The following PCDHGA4 variants were observed in gnomAD, a reference collection of about 807,000 sequenced individuals.
PCDHGA4 encodes the protein protocadherin gamma-A4.
PCDHGA4 carries 38 observed loss-of-function variants against 54.6 expected under a neutral mutation model. The ratio of observed to expected loss-of-function variants is 0.70; its 90% confidence interval spans 0.54 to 0.91. The LOEUF (loss-of-function observed/expected upper bound fraction) is 0.91. PCDHGA4 is among the 40% of genes least tolerant of loss of function. PCDHGA4 has a pLI of 0.00. For missense variants in PCDHGA4, 1,298 were observed against 1,220.9 expected (o/e 1.06, Z -0.94); for synonymous variants, 511 against 512.9 (o/e 1.00, Z 0.05).
chr5:141,489,610 C>G lies in PCDHGA4; in HGVS notation c.2515-5197C>G, dbSNP rs142775705. 3,083 of 1,614,088 alleles carry G rather than the reference C, an allele frequency of 1.9e-3. 6 individuals are homozygous for G. Among genetic ancestry groups the G allele is most frequent in the Non-Finnish European group, 2.4e-3 (2,793 of 1,179,988 alleles). ...GCTAATCCGTGTAGAGGTAGAGATC[C>G]TGGATCTCAATGACAACTCTCCTAG... On this transcript the variant is annotated intron_variant, in intron 1 of 3. Transcript: ENST00000571252. The surrounding 1 kb of genome is among the most constrained non-coding windows in gnomAD (Gnocchi z 4.5).
Position 141,476,162 on chromosome 5 carries a change from G to A in PCDHGA4, c.2515-18645G>A. 6.2e-7 allele frequency: 1 copy of A among 1,613,038 alleles called. No homozygotes were observed. Among genetic ancestry groups the A allele is most frequent in the South Asian group, 1.1e-5 (1 of 91,040 alleles). Reference sequence around the variant, plus strand: ...GAGCGGACTGGTAAGCACCGGGAGGGTAGTGGGAGTTTTGCTTCTGCTTGG... The same window carrying A: ...GAGCGGACTGGTAAGCACCGGGAGGATAGTGGGAGTTTTGCTTCTGCTTGG... On this transcript the variant is annotated intron_variant, in intron 1 of 3. Coordinates refer to ENST00000571252, the MANE Select transcript of PCDHGA4 (RefSeq NM_018917.4). The surrounding 1 kb of genome is among the most constrained non-coding windows in gnomAD (Gnocchi z 7.6).
At position 141,432,252 on chromosome 5, in the gene PCDHGA4, G is replaced by A. The variant is rs749107567; in HGVS notation, c.2515-62555G>A. 3.7e-6 allele frequency: 6 copies of A among 1,614,220 alleles called. No homozygotes were observed. The highest frequency in any genetic ancestry group is 5.1e-6 in the Non-Finnish European group (6 of 1,180,042). ...TCCCTGGCTGAGAACACCATCCAAG[G>A]GGCAAGCCTATCGTCCTACGTGTCC... On this transcript the variant is annotated intron_variant, in intron 1 of 3. Coordinates refer to ENST00000571252, the MANE Select transcript of PCDHGA4 (RefSeq NM_018917.4). The surrounding 1 kb of genome is among the most constrained non-coding windows in gnomAD (Gnocchi z 6.0).
intron 1 of PCDHGA4, among the ~76,000 whole-genome samples, chr5:141,445,953 T>C (rs550111391): frequency 2.0e-4 from 31 of 152,308 alleles, no homozygotes; most frequent in Middle Eastern, 3.4e-3. Flanking sequence ...CTCTGGCTGC[T>C]ATATGGAGAA....
chr5:141,506,115 T>C (rs1211973354), intron 3 of PCDHGA4, among the ~76,000 whole-genome samples: 1 of 152,062 alleles, frequency 6.6e-6, no homozygotes, highest in Admixed American at 6.5e-5. Context: ...GAAGAGTCAC[T>C]AGGGCCCAGA....
At chr5:141,376,250 C>T (rs777637519) in intron 1 of PCDHGA4, 13 of 1,614,128 alleles carry the variant, frequency 8.1e-6, no homozygotes, top group African/African-American at 8.0e-5. Flanking sequence ...GCACAAGTCA[C>T]GCCTGCTGCA....
At chr5:141,450,225 C>A (rs1294362576) in intron 1 of PCDHGA4, among the ~76,000 whole-genome samples, 1 of 151,976 alleles carries the variant, frequency 6.6e-6, no homozygotes, top group Non-Finnish European at 1.5e-5. Flanking sequence ...ACTATGTTGG[C>A]CAGGCTAGTC....
At chr5:141,466,794 T>C (rs1487051313) in intron 1 of PCDHGA4, among the ~76,000 whole-genome samples, 2 of 152,226 alleles carry the variant, frequency 1.3e-5, no homozygotes, top group Non-Finnish European at 2.9e-5. Context: ...TGCCTCAAAC[T>C]AGATCCTATT....
At chr5:141,483,273 T>G (rs6860615) in intron 1 of PCDHGA4, among the ~76,000 whole-genome samples, 62,442 of 151,936 alleles carry the variant, frequency 0.41, 15,417 homozygotes, top group African/African-American at 0.7. Flanking sequence ...GTTTTAGAAA[T>G]ATTATTCTGT....
chr5:141,404,116 G>A (rs751598967), intron 1 of PCDHGA4: 1 of 1,613,478 alleles, frequency 6.2e-7, no homozygotes, highest in East Asian at 2.2e-5. Flanking sequence ...CTATCCAGGA[G>A]AATCTATCTT....
Position 141,360,898 on chromosome 5 carries a change from G to C in PCDHGA4, c.2514+3277G>C, listed in dbSNP as rs1252117170. On this transcript the variant is annotated intron_variant, in intron 1 of 3. Coordinates refer to ENST00000571252, the MANE Select transcript of PCDHGA4 (RefSeq NM_018917.4). Reference sequence around the variant, plus strand: ...GTACAGGGTCACCCTGAGGGAGGACGTGCCGCCGGGCTTCTTTGTGCTTCA... The same window carrying C: ...GTACAGGGTCACCCTGAGGGAGGACCTGCCGCCGGGCTTCTTTGTGCTTCA... 7 of 1,613,922 alleles carry C rather than the reference G, an allele frequency of 4.3e-6. No individual in the cohort carries two copies. Among genetic ancestry groups the C allele is most frequent in the South Asian group, 2.2e-5 (2 of 91,090 alleles).
intron 1 of PCDHGA4, chr5:141,393,601 C>T (rs1392489335): frequency 8.1e-6 from 13 of 1,613,812 alleles, no homozygotes; most frequent in Non-Finnish European, 1.1e-5. Flanking sequence ...CGGCTGCTTA[C>T]TGTAACAGCC....
rs199658498 is a variant in PCDHGA4 at position 141,394,428 on chromosome 5, G to C, written c.2514+36807G>C. 4 of 1,614,114 alleles carry C rather than the reference G, an allele frequency of 2.5e-6. No individual in the cohort carries two copies. In the East Asian group the frequency reaches 6.7e-5, roughly 27 times the overall value. ...ACTGGTAACAGCCAGCGACAGCGGGGACCCGCCCCTCAGCAGCAACATGTC... is the reference window on the plus strand; with the variant it reads ...ACTGGTAACAGCCAGCGACAGCGGGCACCCGCCCCTCAGCAGCAACATGTC... On this transcript the variant is annotated intron_variant, in intron 1 of 3. Coordinates refer to ENST00000571252, the MANE Select transcript of PCDHGA4 (RefSeq NM_018917.4).
At chr5:141,393,363 A>T (rs1464639963) in intron 1 of PCDHGA4, 1 of 1,613,930 alleles carries the variant, frequency 6.2e-7, no homozygotes, top group South Asian at 1.1e-5. Flanking sequence ...GGACGTGCAG[A>T]CTGGAGACAA....
chr5:141,371,335 G>A (rs374653658), intron 1 of PCDHGA4: 21 of 1,613,940 alleles, frequency 1.3e-5, no homozygotes, highest in Non-Finnish European at 1.8e-5. Context: ...GAGAGAGATA[G>A]CTACACAATT....
intron 1 of PCDHGA4, chr5:141,370,643 C>T (rs1767087825): frequency 6.2e-7 from 1 of 1,613,934 alleles, no homozygotes; most frequent in African/African-American, 1.3e-5. Flanking sequence ...AAAATGGGAA[C>T]TTACTTGTGA....
intron 1 of PCDHGA4, among the ~76,000 whole-genome samples, chr5:141,448,768 G>A (rs544426582): frequency 1.3e-5 from 2 of 151,632 alleles, no homozygotes; most frequent in Non-Finnish European, 2.9e-5. Flanking sequence ...GTGAAACCCC[G>A]TCTGTACTAA....
intron 1 of PCDHGA4, chr5:141,360,810 G>A: frequency 6.2e-7 from 1 of 1,613,878 alleles, no homozygotes; most frequent in East Asian, 2.2e-5. Context: ...AAAGTGGCAC[G>A]ACCCAAATCC....
chr5:141,400,588 T>TC, intron 1 of PCDHGA4: 1 of 1,606,158 alleles, frequency 6.2e-7, no homozygotes, highest in South Asian at 1.1e-5. Flanking sequence ...TACATGAAAC[T>TC]ATCGTACATT....
Position 141,485,286 on chromosome 5 carries a change from AG to A in PCDHGA4, c.2515-9520del. On this transcript the variant is annotated intron_variant, in intron 1 of 3. Coordinates refer to ENST00000571252, the MANE Select transcript of PCDHGA4 (RefSeq NM_018917.4). This position sits in a 1 kb window ranked among gnomAD's most constrained non-coding sequence, Gnocchi z 5.7. ...CAGATCCGCTACCCGGTCCCAGAGG[AG>A]TCACAGGAAGGGACTTTTGTAGGGA... The A allele has an allele frequency of 6.2e-7, 1 of 1,614,044 alleles. No homozygotes were observed. Among genetic ancestry groups the A allele is most frequent in the Non-Finnish European group, 8.5e-7 (1 of 1,179,928 alleles).
Sources: gnomAD v4.1 joint callset for allele counts (sites outside exome capture counted in the v4.1 genomes callset) on GRCh38, gnomAD v4.1.1 for gene constraint, Gnocchi (gnomAD v3.1) non-coding constraint, MANE v1.5 for transcripts, NCBI Gene and HGNC (gene_info 2026-07-23, HGNC 2026-07-21) for gene names.